Variants in ZNF468 observed in about 807,000 individuals in gnomAD.
ZNF468 encodes the protein zinc finger protein ZNF468.
A neutral mutation model predicts 7.2 loss-of-function variants in ZNF468; 8 were observed. The observed-to-expected ratio is 1.11, with a 90% CI of 0.65 to 2.01. ZNF468 has a LOEUF of 2.01. Ranked by LOEUF, ZNF468 falls within the 30% of genes most tolerant of loss-of-function variation. ZNF468 has a pLI of 0.00. For synonymous variants in ZNF468, 218 were observed against 214.4 expected (o/e 1.02, Z -0.15); for missense variants, 608 against 626.5 (o/e 0.97, Z 0.31).
chr19:52,850,759 C>T (rs1164301107), intron 2 of ZNF468, among the ~76,000 whole-genome samples: 21 of 151,622 alleles, frequency 1.4e-4, no homozygotes, highest in East Asian at 3.9e-4. Flanking sequence ...ATTAGCCGGG[C>T]GTGGTGGCGG....
chr19:52,843,730 CT>C, intron 3 of ZNF468, among the ~76,000 whole-genome samples: 1 of 152,306 alleles, frequency 6.6e-6, no homozygotes, highest in East Asian at 1.9e-4. Context: ...AAAACTTGTA[CT>C]TATCACCAGC....
At chr19:52,845,237 G>A (rs1253203982) in intron 3 of ZNF468, 1 of 152,158 alleles carries the variant, frequency 6.6e-6, no homozygotes, top group Non-Finnish European at 1.5e-5. Context: ...CTGGGAAGTG[G>A]AGGTTGCAGT....
In ZNF468 at chr19:52,840,351, A is replaced by G; in HGVS notation, c.*374T>C. ...TTGACCTTTTAATTACAAGGTGTGA[A>G]TTTTGACCAACGGTCTTGCCACACT... is the stretch of plus-strand genomic sequence containing the variant. On this transcript the variant is annotated 3_prime_UTR_variant, in exon 4 of 4. Transcript: ENST00000595646. 1 of 466,180 alleles carries G rather than the reference A, an allele frequency of 2.1e-6. No individual in the cohort carries two copies. 28.9% of individuals were successfully genotyped at this position (466,180 alleles called of 1,614,324 possible). A position where few individuals can be genotyped will look rare whatever the true frequency, so the allele number is the denominator to read the frequency against.
At chr19:52,856,126 T>C (rs2063436219) in intron 1 of ZNF468, among the ~76,000 whole-genome samples, 2 of 152,228 alleles carry the variant, frequency 1.3e-5, no homozygotes, top group Non-Finnish European at 2.9e-5. Flanking sequence ...CACACTAACA[T>C]TTATAAAATG....
In ZNF468 at chr19:52,854,348, G is replaced by A. The variant is rs567588556; in HGVS notation, c.-73-3C>T. ...CCAACAGTCTTTAGAAGTCAATCCT[G>A]AATGTTAAAAATATGTTGTTTATCA... On this transcript the variant is annotated splice_polypyrimidine_tract_variant and splice_region_variant and intron_variant, in intron 1 of 3. Transcript: ENST00000595646. 2.5e-6 allele frequency: 4 copies of A among 1,607,334 alleles called. No individual in the cohort carries two copies. The highest frequency in any genetic ancestry group is 2.7e-5 in the African/African-American group (2 of 74,784).
At position 52,839,478 on chromosome 19, in the gene ZNF468, C is replaced by T; in HGVS notation, c.*1247G>A. The T allele has an allele frequency of 2.3e-6, 1 of 432,504 alleles. No individual in the cohort carries two copies. Among genetic ancestry groups the T allele is most frequent in the South Asian group, 1.9e-5 (1 of 51,938 alleles). 26.8% of individuals were successfully genotyped at this position (432,504 alleles called of 1,614,324 possible). A position where few individuals can be genotyped will look rare whatever the true frequency, so the allele number is the denominator to read the frequency against. On this transcript the variant is annotated 3_prime_UTR_variant, in exon 4 of 4. Transcript: ENST00000595646. ...TTAAATCAACAAACTCAGGTCAAGG[C>T]TGATTTGACTCTAATGTCAATTAAT...
intron 3 of ZNF468, among the ~76,000 whole-genome samples, chr19:52,845,720 A>G (rs1485727903): frequency 6.6e-6 from 1 of 151,944 alleles, no homozygotes; most frequent in African/African-American, 2.4e-5. Flanking sequence ...AAATAAAAAA[A>G]CAGTCTAGGT....
chr19:52,845,214 G>T (rs1379838317), intron 3 of ZNF468: 1 of 152,116 alleles, frequency 6.6e-6, no homozygotes, highest in Non-Finnish European at 1.5e-5. Flanking sequence ...TGAGGCAGGA[G>T]AATTGCTTGA....
rs1248514264 is a variant in ZNF468, at chr19:52,839,774, A to G, written c.*951T>C. 13 of 495,950 alleles carry G rather than the reference A, an allele frequency of 2.6e-5. No homozygotes were observed. The highest frequency in any genetic ancestry group is 9.8e-5 in the African/African-American group (5 of 50,910). The allele number at this position is 495,950 out of a possible 1,614,324, so 30.7% of individuals were successfully genotyped here. A position where few individuals can be genotyped will look rare whatever the true frequency, so the allele number is the denominator to read the frequency against. On this transcript the variant is annotated 3_prime_UTR_variant, in exon 4 of 4. Coordinates refer to ENST00000595646, the MANE Select transcript of ZNF468 (RefSeq NM_001008801.2). Reference sequence around the variant, plus strand: ...AAGCTTGACTGAAGACCTTGCCTCAATCATGACATTTATAAGGTTTCTCTC... The same window carrying G: ...AAGCTTGACTGAAGACCTTGCCTCAGTCATGACATTTATAAGGTTTCTCTC...
chr19:52,854,049 G>A, intron 2 of ZNF468: 1 of 1,501,376 alleles, frequency 6.7e-7, no homozygotes, highest in Non-Finnish European at 8.9e-7. Context: ...GCCCTTCCCA[G>A]GACCTGCCCA....
chr19:52,847,909 G>A (rs2063353861), intron 3 of ZNF468, among the ~76,000 whole-genome samples: 1 of 152,124 alleles, frequency 6.6e-6, no homozygotes, highest in African/African-American at 2.4e-5. Flanking sequence ...GCAGGTTCTC[G>A]CATGCTGAGT....
chr19:52,841,666 T>C lies in ZNF468; in HGVS notation c.628A>G (p.Met210Val), dbSNP rs58239286. The C allele has an allele frequency of 3.1e-6, 5 of 1,613,882 alleles. No homozygotes were observed. Among genetic ancestry groups the C allele is most frequent in the Admixed American group, 1.7e-5 (1 of 59,996 alleles). The change falls in exon 4 of 4, where the codon ATG becomes GTG. Residue 210 changes from methionine (M) to valine (V), a missense_variant. Met to Val is a conservative substitution (Grantham distance 21). Coordinates refer to ENST00000595646, the MANE Select transcript of ZNF468 (RefSeq NM_001008801.2). ...ATACATTCAAAAGATTTTTCTCTCA[T>C]GTGTACTTCCCATTTTTGTGTGAGT... Reference protein sequence around the residue: ...SLLTQKWEVHMREKSFECIQS... With the variant: ...SLLTQKWEVHVREKSFECIQS...
chr19:52,856,542 G>A (rs564409280), intron 1 of ZNF468, among the ~76,000 whole-genome samples: 3 of 136,176 alleles, frequency 2.2e-5, no homozygotes, highest in East Asian at 2.1e-4. Context: ...GACCCAATCT[G>A]GCACCCCAGA....
chr19:52,854,584 A>T (rs979172809), intron 1 of ZNF468, among the ~76,000 whole-genome samples: 8 of 152,062 alleles, frequency 5.3e-5, no homozygotes, highest in Admixed American at 2.0e-4. Context: ...ATCTCTACCA[A>T]AAATACAAAA....
rs762319025 is a variant in ZNF468, at chr19:52,840,993, G to A, written c.1301C>T (p.Thr434Ile). ...CTTACATTTGTATGGTTTCTCTCCA[G>A]TATGAATCCTCCTGTGTCTTTCCAG... ...SNLERHRRIH[T>I]GEKPYKCKVC... is the part of the protein sequence containing the mutation. Residue 434 changes from threonine to isoleucine, a missense_variant, in exon 4 of 4, where the codon ACT becomes ATT. Physicochemically the swap from Thr to Ile is moderately conservative, Grantham distance 89. Transcript: ENST00000595646. 2 of 1,613,960 alleles carry A rather than the reference G, an allele frequency of 1.2e-6. No individual in the cohort carries two copies. Among genetic ancestry groups the A allele is most frequent in the Non-Finnish European group, 1.7e-6 (2 of 1,179,952 alleles).
intron 1 of ZNF468, 46 bp from the exon 2 acceptor site, chr19:52,854,391 C>G: frequency 6.5e-7 from 1 of 1,540,380 alleles, no homozygotes; most frequent in Admixed American, 1.7e-5. Flanking sequence ...TCAACACACC[C>G]CCTCCCTTAA....
At chr19:52,846,925 C>T (rs1247401804) in intron 3 of ZNF468, among the ~76,000 whole-genome samples, 8 of 152,060 alleles carry the variant, frequency 5.3e-5, no homozygotes, top group Admixed American at 1.3e-4. Flanking sequence ...CCTTTGAGCC[C>T]GGGAGGCGGA....
Position 52,841,688 on chromosome 19 carries a change from G to A in ZNF468, c.606C>T (p.Leu202=). The change falls in exon 4 of 4, where the codon CTC becomes CTT. Residue 202 remains leucine, a synonymous_variant. Transcript: ENST00000595646. The part of the protein sequence containing the change: ...YGNNSLHSSL[L]TQKWEVHMRE... ...TCATGTGTACTTCCCATTTTTGTGT[G>A]AGTAATGAAGAATGGAGGGAATTAT... 1 of 1,614,030 alleles carries A rather than the reference G, an allele frequency of 6.2e-7. No individual in the cohort carries two copies. Among genetic ancestry groups the A allele is most frequent in the Non-Finnish European group, 8.5e-7 (1 of 1,180,018 alleles).
At chr19:52,849,937 C>CA (rs1457526879) in intron 2 of ZNF468, among the ~76,000 whole-genome samples, 1 of 151,772 alleles carries the variant, frequency 6.6e-6, no homozygotes, top group Non-Finnish European at 1.5e-5. Context: ...CAAAATTACT[C>CA]AAAGTACAAA....
Sources: gnomAD v4.1 joint callset for allele counts (sites outside exome capture counted in the v4.1 genomes callset) on GRCh38, gnomAD v4.1.1 for gene constraint, MANE v1.5 for transcripts, NCBI Gene and HGNC (gene_info 2026-07-23, HGNC 2026-07-21) for gene names.